The following POM121 variants were observed in gnomAD, a reference collection of about 807,000 sequenced individuals.
POM121 encodes POM121 transmembrane nucleoporin, also known as nuclear envelope pore membrane protein POM 121.
In POM121, 32 loss-of-function variants were observed where a neutral mutation model predicts 81.3. The observed-to-expected ratio is 0.39, with a 90% confidence interval of 0.30 to 0.53. The LOEUF (loss-of-function observed/expected upper bound fraction) is 0.53, where lower values mean the gene tolerates loss of function less well. Among genes scored for constraint, POM121 ranks in the 20% least tolerant of loss-of-function variants. The pLI, the probability that POM121 is intolerant of heterozygous loss-of-function variation, is 0.66. For synonymous variants in POM121, 514 were observed against 694.2 expected, an observed-to-expected ratio of 0.74 and a Z score of 4.08; for missense variants, 1,138 against 1,614.6, an observed-to-expected ratio of 0.70 and a Z score of 5.06.
intron 5 of POM121, among the ~76,000 whole-genome samples, chr7:72,934,225 C>T (rs1291092889): frequency 2.6e-5 from 4 of 151,612 alleles, no homozygotes; most frequent in Non-Finnish European, 1.5e-5. Context: ...GCTGGGATTA[C>T]AGGCACCCAC....
chr7:72,900,901 T>G (rs1792555298), intron 3 of POM121, among the ~76,000 whole-genome samples: 1 of 152,010 alleles, frequency 6.6e-6, no homozygotes, highest in Admixed American at 6.6e-5. Flanking sequence ...TTCTTAAGTT[T>G]TTTTTTTTTT....
At chr7:72,888,613 T>A (rs1252870287) in intron 1 of POM121, among the ~76,000 whole-genome samples, 5 of 152,136 alleles carry the variant, frequency 3.3e-5, no homozygotes, top group Non-Finnish European at 5.9e-5. Context: ...AGTGGGAAGA[T>A]ATGTAGTTTT....
At chr7:72,948,621 G>A (rs782631779), downstream of POM121, 14 of 1,604,164 alleles carry the variant, frequency 8.7e-6, no homozygotes, top group Admixed American at 2.2e-4. Context: ...GATGTTAGAT[G>A]TGCCAGTACC....
chr7:72,924,939 T>G, upstream of POM121: 1 of 1,120,656 alleles, frequency 8.9e-7, no homozygotes, highest in Non-Finnish European at 1.2e-6. Context: ...GCGGAAAACC[T>G]CAAGAGTCAG....
chr7:72,888,766 G>A (rs1438866080), intron 1 of POM121, among the ~76,000 whole-genome samples: 3 of 151,694 alleles, frequency 2.0e-5, no homozygotes, highest in East Asian at 3.9e-4. Context: ...CATATCATAC[G>A]TACTATGGCA....
chr7:72,890,607 T>G (rs574264047), intron 1 of POM121: 1 of 1,598,870 alleles, frequency 6.3e-7, no homozygotes, highest in Non-Finnish European at 8.5e-7. Context: ...CTCCCAATTC[T>G]GATCATGTTG....
At chr7:72,949,262 A>G (rs1159965261), downstream of POM121, 3 of 829,822 alleles carry the variant, frequency 3.6e-6, no homozygotes, top group Admixed American at 1.7e-5. Flanking sequence ...CTCCAGGTCT[A>G]AGCTGCTGTG....
downstream of POM121, chr7:72,950,299 A>G: frequency 9.9e-7 from 1 of 1,005,940 alleles, no homozygotes; most frequent in Non-Finnish European, 1.4e-6. Flanking sequence ...AGCTATGGAG[A>G]AATCAACAGG....
At chr7:72,948,726 T>C (rs1197510126), downstream of POM121, 14 of 1,557,534 alleles carry the variant, frequency 9.0e-6, no homozygotes, top group African/African-American at 9.6e-5. Flanking sequence ...AGCGTGGTCT[T>C]GGGGGAAGCC....
chr7:72,944,250 G>T (rs1797432762), intron 11 of POM121, among the ~76,000 whole-genome samples: 1 of 151,694 alleles, frequency 6.6e-6, no homozygotes, highest in South Asian at 2.1e-4. Context: ...GCCAGGGTTG[G>T]GTGTTTGGGT....
At chr7:72,902,255 CTTTTTTTTTT>C (rs1210238081) in intron 3 of POM121, among the ~76,000 whole-genome samples, 1 of 126,620 alleles carries the variant, frequency 7.9e-6, no homozygotes, top group Admixed American at 8.0e-5. Flanking sequence ...CTTTTTCTTT[CTTTTTTTTTT>C]TTTTTTTTTG....
At chr7:72,894,626 GGAGAGAGA>G (rs71071923) in intron 3 of POM121, among the ~76,000 whole-genome samples, 494 of 23,224 alleles carry the variant, frequency 0.021, 9 homozygotes, top group Admixed American at 0.062. Context: ...GAGAGAGAGA[GGAGAGAGA>G]GAGAGAGAGA....
intron 3 of POM121, among the ~76,000 whole-genome samples, chr7:72,904,070 C>CT (rs752626037): frequency 6.6e-6 from 1 of 152,206 alleles, no homozygotes; most frequent in Non-Finnish European, 1.5e-5. Flanking sequence ...TCCCAAAGTG[C>CT]TAGGATTACA....
Position 72,926,928 on chromosome 7 carries a change from C to T in POM121, c.987C>T (p.Asp329=). 1 of 1,613,940 alleles carries T rather than the reference C, an allele frequency of 6.2e-7. No individual in the cohort carries two copies. Among genetic ancestry groups the T allele is most frequent in the Non-Finnish European group, 8.5e-7 (1 of 1,179,872 alleles). ...AGAAAAGGACAGTGGAGGAAGAAGA[C>T]CAAATATTCCTTGATGGCCAGGAAA... ...KEKKRTVEEE[D]QIFLDGQENK... Residue 329 remains aspartate, a synonymous_variant, in exon 3 of 13, where the codon GAC becomes GAT. Coordinates refer to ENST00000434423, the MANE Select transcript of POM121 (RefSeq NM_001387691.1).
chr7:72,895,201 C>T (rs1791820225), intron 3 of POM121, among the ~76,000 whole-genome samples: 1 of 152,154 alleles, frequency 6.6e-6, no homozygotes, highest in Non-Finnish European at 1.5e-5. Flanking sequence ...GTCCAGATGG[C>T]TCCTAAAGGC....
chr7:72,882,258 C>G (rs552652513), intron 1 of POM121, among the ~76,000 whole-genome samples: 1 of 152,194 alleles, frequency 6.6e-6, no homozygotes. Context: ...AACTTACAGT[C>G]AGGTGAAAGG....
chr7:72,925,319 G>C lies in POM121; in HGVS notation c.198G>C (p.Trp66Cys). The change falls in exon 1 of 13, where the codon TGG (tryptophan) becomes TGC (cysteine). Residue 66 changes from tryptophan to cysteine, a missense_variant. Physicochemically the swap from Trp to Cys is radical, Grantham distance 215. Around this residue, in one of 7 missense-constraint regions of POM121, gnomAD observed 646 missense variants for 633.5 expected, o/e 1.02. Coordinates refer to ENST00000434423, the MANE Select transcript of POM121 (RefSeq NM_001387691.1). ...TGACCGTGGGGGCTACCGCGGCCTGGTGGGGACTGAGCCGCGAGCCCCGAG... is the reference window on the plus strand; with the variant it reads ...TGACCGTGGGGGCTACCGCGGCCTGCTGGGGACTGAGCCGCGAGCCCCGAG... ...AWLTVGATAA[W>C]WGLSREPRGS... 1 of 1,534,596 alleles carries C rather than the reference G, an allele frequency of 6.5e-7. No individual in the cohort carries two copies. The highest frequency in any genetic ancestry group is 2.4e-5 in the East Asian group (1 of 40,882).
downstream of POM121, chr7:72,948,865 T>C (rs782685450): frequency 6.3e-7 from 1 of 1,593,488 alleles, no homozygotes; most frequent in Non-Finnish European, 8.6e-7. Flanking sequence ...CATCCCCCCC[T>C]CCACGACCCT....
In POM121 at chr7:72,926,730, G is replaced by T. The variant is rs1188375536; in HGVS notation, c.861-72G>T. 75 of 1,560,032 alleles carry T rather than the reference G, an allele frequency of 4.8e-5. No individual in the cohort carries two copies. The Admixed American group carries it at 1.4e-3, about 29-fold the overall frequency. ...CCTGTTGGTTAGCTTCTGATTTCTT[G>T]TTTCTGAAGTCTGTGCTATATGGCA... On this transcript the variant is annotated intron_variant, in intron 2 of 12. Coordinates refer to ENST00000434423, the MANE Select transcript of POM121 (RefSeq NM_001387691.1).
Sources: allele counts gnomAD v4.1 joint callset (sites outside exome capture counted in the v4.1 genomes callset), GRCh38; gene constraint gnomAD v4.1.1; regional missense constraint gnomAD v4.1.1; transcripts MANE v1.5; gene names NCBI Gene and HGNC (gene_info 2026-07-23, HGNC 2026-07-21).